Variants in SGCZ observed in about 807,000 individuals in gnomAD.
SGCZ encodes sarcoglycan zeta, also known as zeta-sarcoglycan.
In SGCZ, 40 loss-of-function variants were observed where a neutral mutation model predicts 41.3. The ratio of observed to expected loss-of-function variants is 0.97; its 90% CI spans 0.75 to 1.26. The LOEUF (loss-of-function observed/expected upper bound fraction) is 1.26, where lower values mean the gene tolerates loss of function less well. SGCZ is among the 50% of genes most tolerant of loss of function. SGCZ has a pLI of 0.00. For missense variants in SGCZ, 552 were observed against 369.8 expected (o/e 1.49, Z -4.04); for synonymous variants, 206 against 137.5 (o/e 1.50, Z -3.49).
At chr8:14,626,256 C>G (rs1806450663) in intron 1 of SGCZ, among the ~76,000 whole-genome samples, 1 of 152,026 alleles carries the variant, frequency 6.6e-6, no homozygotes, top group African/African-American at 2.4e-5. Flanking sequence ...AACCCACCAC[C>G]TAGGTATTAA....
intron 5 of SGCZ, among the ~76,000 whole-genome samples, chr8:14,126,074 G>C (rs997370069): frequency 6.6e-6 from 1 of 152,190 alleles, no homozygotes; most frequent in Non-Finnish European, 1.5e-5. Flanking sequence ...CATGGGCAAA[G>C]ATTTTATGGT....
At chr8:14,908,486 T>C (rs1001963562) in intron 1 of SGCZ, among the ~76,000 whole-genome samples, 1 of 152,132 alleles carries the variant, frequency 6.6e-6, no homozygotes, top group Non-Finnish European at 1.5e-5. Flanking sequence ...GTGCACTGGC[T>C]CACGCCTGTA....
chr8:14,388,611 A>ACCAGG (rs995724497), intron 2 of SGCZ, among the ~76,000 whole-genome samples: 1 of 152,096 alleles, frequency 6.6e-6, no homozygotes, highest in South Asian at 2.1e-4. Flanking sequence ...AAATGTTGAA[A>ACCAGG]CCAGGCCAGG....
chr8:14,845,586 A>G (rs181646761), intron 1 of SGCZ, among the ~76,000 whole-genome samples: 1 of 152,206 alleles, frequency 6.6e-6, no homozygotes, highest in Admixed American at 6.5e-5. Context: ...AAACACGAAT[A>G]CAGTCATTTT....
intron 2 of SGCZ, among the ~76,000 whole-genome samples, chr8:14,539,083 T>C (rs1056276869): frequency 6.6e-6 from 1 of 151,898 alleles, no homozygotes; most frequent in African/African-American, 2.4e-5. Flanking sequence ...ATAATATGAG[T>C]GGGCCTCATC....
At chr8:14,788,156 C>A (rs571779119) in intron 1 of SGCZ, among the ~76,000 whole-genome samples, 77 of 152,208 alleles carry the variant, frequency 5.1e-4, no homozygotes, top group African/African-American at 1.7e-3. Context: ...GTCAAAATTT[C>A]TTTCTTTTTC....
At position 14,982,467 on chromosome 8, in the gene SGCZ, A is replaced by G. The variant is rs79120166; in HGVS notation, c.39+255118T>C. On this transcript the variant is annotated intron_variant, in intron 1 of 7. Coordinates refer to ENST00000382080, the MANE Select transcript of SGCZ (RefSeq NM_139167.4). ...TTGTAATGAGAGTGTAATTGTATCAATGGGCTTTGGAGTCAACTCTACTAC... is the reference window on the plus strand; with the variant it reads ...TTGTAATGAGAGTGTAATTGTATCAGTGGGCTTTGGAGTCAACTCTACTAC... Among the ~76,000 whole-genome samples the G allele has an allele frequency of 5.4e-3, 824 of 152,320 alleles. 29 individuals carry two copies. In the East Asian group the frequency reaches 0.11, roughly 20 times the overall value.
intron 2 of SGCZ, among the ~76,000 whole-genome samples, chr8:14,432,426 G>A (rs958057948): frequency 6.6e-6 from 1 of 152,170 alleles, no homozygotes; most frequent in African/African-American, 2.4e-5. Context: ...AGTAACTCAG[G>A]AATGGAAAAC....
At chr8:14,510,253 A>C (rs750326395) in intron 2 of SGCZ, among the ~76,000 whole-genome samples, 8 of 152,170 alleles carry the variant, frequency 5.3e-5, no homozygotes, top group Admixed American at 3.9e-4. Context: ...TAAGAGGCAG[A>C]CTGGTGGAGT....
intron 2 of SGCZ, among the ~76,000 whole-genome samples, chr8:14,462,584 C>T (rs753003142): frequency 6.6e-6 from 1 of 151,904 alleles, no homozygotes; most frequent in Non-Finnish European, 1.5e-5. Context: ...GGTCTATGTG[C>T]CTATTTTTGC....
intron 2 of SGCZ, among the ~76,000 whole-genome samples, chr8:14,493,056 A>C (rs542260340): frequency 5.9e-5 from 9 of 152,200 alleles, no homozygotes; most frequent in Non-Finnish European, 1.2e-4. Flanking sequence ...CTCTCCAAAA[A>C]ATGTTTCTCT....
At chr8:15,024,797 A>G (rs545714814) in intron 1 of SGCZ, among the ~76,000 whole-genome samples, 2 of 152,120 alleles carry the variant, frequency 1.3e-5, no homozygotes, top group South Asian at 4.1e-4. Context: ...TTAGCCGGGC[A>G]TGGTGGCGAG....
chr8:14,360,462 A>G (rs1803470636), intron 2 of SGCZ, among the ~76,000 whole-genome samples: 1 of 151,690 alleles, frequency 6.6e-6, no homozygotes, highest in South Asian at 2.1e-4. Context: ...AGCAGCTGGG[A>G]TTACAGGCAC....
intron 3 of SGCZ, among the ~76,000 whole-genome samples, chr8:14,254,957 A>T (rs1293766370): frequency 6.6e-6 from 1 of 152,210 alleles, no homozygotes. Flanking sequence ...GAAGTTCTGA[A>T]CTAGATTCAG....
chr8:14,349,081 A>G (rs1431628957), intron 2 of SGCZ, among the ~76,000 whole-genome samples: 2 of 152,148 alleles, frequency 1.3e-5, no homozygotes, highest in Admixed American at 1.3e-4. Flanking sequence ...AACATTGTAA[A>G]TTGTGGGTAG....
intron 1 of SGCZ, among the ~76,000 whole-genome samples, chr8:14,576,645 T>A (rs1440444940): frequency 6.6e-6 from 1 of 152,192 alleles, no homozygotes. Context: ...GCCATAGGCA[T>A]TCTTTCATGC....
At chr8:15,236,212 A>T (rs947164342) in intron 1 of SGCZ, among the ~76,000 whole-genome samples, 6 of 151,902 alleles carry the variant, frequency 3.9e-5, no homozygotes, top group African/African-American at 1.5e-4. Flanking sequence ...TGGCAGGGCG[A>T]TTCTGGCAGG....
intron 4 of SGCZ, among the ~76,000 whole-genome samples, chr8:14,227,551 C>G (rs1247840164): frequency 1.3e-5 from 2 of 151,894 alleles, no homozygotes; most frequent in Non-Finnish European, 2.9e-5. Context: ...TATAAAATAT[C>G]TAGAAATAAT....
At chr8:14,607,609 A>C (rs1235181294) in intron 1 of SGCZ, among the ~76,000 whole-genome samples, 1 of 152,192 alleles carries the variant, frequency 6.6e-6, no homozygotes, top group African/African-American at 2.4e-5. Flanking sequence ...ATTTCAATTA[A>C]CTGTCTAGAC....
Sources: gnomAD v4.1 joint callset for allele counts (sites outside exome capture counted in the v4.1 genomes callset) on GRCh38, gnomAD v4.1.1 for gene constraint, MANE v1.5 for transcripts, NCBI Gene and HGNC (gene_info 2026-07-23, HGNC 2026-07-21) for gene names.